Variants in RIMBP2 observed in about 807,000 individuals in gnomAD.
RIMBP2 encodes the protein RIMS binding protein 2.
Under a neutral mutation model 118.6 loss-of-function variants are expected in RIMBP2, and 48 were observed. The ratio of observed to expected loss-of-function variants is 0.40; its 90% CI spans 0.32 to 0.51. The LOEUF is 0.51. RIMBP2 is among the 20% of genes least tolerant of loss of function. The probability of loss-of-function intolerance (pLI) is 0.41; values close to 1 mark genes in which losing one functional copy is unlikely to be tolerated. For synonymous variants in RIMBP2, 762 were observed against 742.9 expected (o/e 1.03, Z -0.42); for missense variants, 1,551 against 1,768.3 (o/e 0.88, Z 2.20).
intron 1 of RIMBP2, among the ~76,000 whole-genome samples, chr12:130,644,830 A>G (rs1019937509): frequency 3.3e-5 from 5 of 152,192 alleles, no homozygotes; most frequent in African/African-American, 1.2e-4. Flanking sequence ...AAAGCACCCA[A>G]CGGCTCTGGC....
intron 1 of RIMBP2, among the ~76,000 whole-genome samples, chr12:130,674,622 G>A (rs1047987421): frequency 1.3e-5 from 2 of 152,176 alleles, no homozygotes; most frequent in Non-Finnish European, 2.9e-5. Flanking sequence ...AGGGTGAAAT[G>A]CACACAGCCT....
At chr12:130,470,969 A>G (rs372348280) in intron 5 of RIMBP2, among the ~76,000 whole-genome samples, 7 of 152,334 alleles carry the variant, frequency 4.6e-5, no homozygotes, top group African/African-American at 1.7e-4. Context: ...TCTGGGACAC[A>G]GATTATTTCT....
chr12:130,532,370 C>T (rs1011144839), intron 2 of RIMBP2, among the ~76,000 whole-genome samples: 2 of 148,826 alleles, frequency 1.3e-5, no homozygotes, highest in Middle Eastern at 3.7e-3. Flanking sequence ...CTAGGAGTTA[C>T]GTCTAATGAG....
intron 2 of RIMBP2, among the ~76,000 whole-genome samples, chr12:130,550,641 A>G (rs2055675736): frequency 6.6e-6 from 1 of 152,244 alleles, no homozygotes; most frequent in Non-Finnish European, 1.5e-5. Context: ...AAAAAAGGTT[A>G]AAAATTAAAC....
In RIMBP2 at chr12:130,664,541, G is replaced by A. The variant is rs968371224; in HGVS notation, c.-351-36085C>T. ...CAGGACCTGGAGGTCATGACACCTC[G>A]GCTGTCATGAGCACTCCTCACACCC... On this transcript the variant is annotated intron_variant, in intron 1 of 22. Transcript: ENST00000690449. 1.4e-4 allele frequency among the ~76,000 whole-genome samples: 21 copies of A among 151,212 alleles called. 2 individuals carry two copies. The highest frequency in any genetic ancestry group is 5.2e-4 in the African/African-American group (21 of 40,704).
intron 6 of RIMBP2, chr12:130,470,461 G>A (rs1472770124): frequency 1.1e-5 from 4 of 380,768 alleles, no homozygotes; most frequent in Non-Finnish European, 1.9e-5. Context: ...GTGGCCAAGG[G>A]AAAGCTGCTT....
rs576623539 is a variant in RIMBP2 at position 130,431,339 on chromosome 12, C to T, written c.2254-3002G>A. 3.9e-5 allele frequency: 12 copies of T among 310,240 alleles called. No individual in the cohort carries two copies. The highest frequency in any genetic ancestry group is 2.1e-4 in the Admixed American group (7 of 32,844). 19.2% of individuals were successfully genotyped at this position (310,240 alleles called of 1,614,324 possible). ...TGACGGGGCGGGCAGCATGGGGAAG[C>T]GGATGGTCAGGGAACACTTCCCGGG... On this transcript the variant is annotated intron_variant, in intron 14 of 22. Coordinates refer to ENST00000690449, the MANE Select transcript of RIMBP2 (RefSeq NM_001393629.1). This position sits in a 1 kb window ranked among gnomAD's most constrained non-coding sequence, Gnocchi z 4.0.
At chr12:130,498,633 C>CAAAAAA (rs35549770) in intron 4 of RIMBP2, among the ~76,000 whole-genome samples, 1 of 115,670 alleles carries the variant, frequency 8.6e-6, no homozygotes, top group Non-Finnish European at 1.7e-5. Flanking sequence ...AAACAGCATT[C>CAAAAAA]AAAAAAAAAA....
intron 4 of RIMBP2, 82 bp downstream of exon 4, chr12:130,506,566 G>T: frequency 1.1e-6 from 1 of 946,204 alleles, no homozygotes; most frequent in Non-Finnish European, 1.3e-6. Flanking sequence ...CATACCTTCT[G>T]CTCGGGGTCC....
At chr12:130,501,510 G>A (rs60943880) in intron 4 of RIMBP2, among the ~76,000 whole-genome samples, 9,644 of 152,236 alleles carry the variant, frequency 0.063, 815 homozygotes, top group African/African-American at 0.19. Context: ...GAGACGCACC[G>A]CAGTGCCATG....
chr12:130,596,409 C>T (rs892568361), intron 2 of RIMBP2, among the ~76,000 whole-genome samples: 3 of 151,928 alleles, frequency 2.0e-5, no homozygotes, highest in African/African-American at 2.4e-5. Flanking sequence ...GCGTTGAAAC[C>T]AGGCTCAGAC....
intron 1 of RIMBP2, among the ~76,000 whole-genome samples, chr12:130,697,325 C>A (rs2065622908): frequency 6.6e-6 from 1 of 152,178 alleles, no homozygotes; most frequent in Non-Finnish European, 1.5e-5. Context: ...AGCTCAGGAC[C>A]AGCCTGAGTA....
intron 7 of RIMBP2, 33 bp downstream of exon 7, chr12:130,456,463 A>G: frequency 6.5e-7 from 1 of 1,529,186 alleles, no homozygotes; most frequent in Non-Finnish European, 8.8e-7. Context: ...TTCTCTCCCC[A>G]CCACAGCCAA....
intron 2 of RIMBP2, among the ~76,000 whole-genome samples, chr12:130,536,605 T>TG (rs1254044224): frequency 6.6e-6 from 1 of 152,190 alleles, no homozygotes; most frequent in Admixed American, 6.5e-5. Context: ...CCCAACCAAC[T>TG]GGACCTTGGA....
At chr12:130,631,427 A>AG (rs1566404047) in intron 1 of RIMBP2, among the ~76,000 whole-genome samples, 2 of 152,190 alleles carry the variant, frequency 1.3e-5, no homozygotes, top group African/African-American at 4.8e-5. Flanking sequence ...TAAACTCAGC[A>AG]GTGTGACATT....
At chr12:130,508,541 T>C (rs1442853011) in intron 3 of RIMBP2, among the ~76,000 whole-genome samples, 1 of 151,786 alleles carries the variant, frequency 6.6e-6, no homozygotes, top group Non-Finnish European at 1.5e-5. Flanking sequence ...TCCTTCTCAT[T>C]AGGTGTCACC....
intron 21 of RIMBP2, among the ~76,000 whole-genome samples, chr12:130,403,754 G>T (rs1397196260): frequency 6.6e-6 from 1 of 152,044 alleles, no homozygotes; most frequent in Non-Finnish European, 1.5e-5. Flanking sequence ...TACAACAAAG[G>T]TATTCCAATG....
rs962787439 is a variant in RIMBP2, at chr12:130,581,768, G to A, written c.-217+46554C>T. 2.0e-5 allele frequency among the ~76,000 whole-genome samples: 3 copies of A among 152,142 alleles called. No individual in the cohort carries two copies. Among genetic ancestry groups the A allele is most frequent in the African/African-American group, 7.2e-5 (3 of 41,426 alleles). On this transcript the variant is annotated intron_variant, in intron 2 of 22. Coordinates refer to ENST00000690449, the MANE Select transcript of RIMBP2 (RefSeq NM_001393629.1). The surrounding 1 kb of genome is among the most constrained non-coding windows in gnomAD (Gnocchi z 4.4). ...AATGGCCTCTCAATGGGTTTCTCCTGGTCTGTTCTTACTCCCCATTAGTAA... is the reference window on the plus strand; with the variant it reads ...AATGGCCTCTCAATGGGTTTCTCCTAGTCTGTTCTTACTCCCCATTAGTAA...
intron 1 of RIMBP2, among the ~76,000 whole-genome samples, chr12:130,644,242 A>G (rs1402054726): frequency 6.6e-6 from 1 of 152,190 alleles, no homozygotes; most frequent in Admixed American, 6.5e-5. Context: ...CACACTTGCT[A>G]CAAGACTGGA....
Sources: allele counts gnomAD v4.1 joint callset (sites outside exome capture counted in the v4.1 genomes callset), GRCh38; gene constraint gnomAD v4.1.1; non-coding constraint Gnocchi (gnomAD v3.1); transcripts MANE v1.5; gene names NCBI Gene and HGNC (gene_info 2026-07-23, HGNC 2026-07-21).